Variants in LRMDA observed in about 807,000 individuals in gnomAD.
LRMDA encodes the protein leucine-rich melanocyte differentiation-associated protein.
LRMDA carries 18 observed loss-of-function variants against 29.8 expected under a neutral mutation model. That is an observed-to-expected ratio of 0.60 (90% CI 0.42 to 0.90). LRMDA has a LOEUF of 0.90. Among genes scored for constraint, LRMDA ranks in the 40% least tolerant of loss-of-function variants. The pLI, the probability that LRMDA is intolerant of heterozygous loss-of-function variation, is 0.00. For missense variants in LRMDA, 273 were observed against 273.9 expected (o/e 1.00, Z 0.02); for synonymous variants, 125 against 109.4 (o/e 1.14, Z -0.89).
chr10:76,112,739 T>G (rs1849602727), intron 5 of LRMDA, among the ~76,000 whole-genome samples: 2 of 152,230 alleles, frequency 1.3e-5, no homozygotes, highest in Admixed American at 6.5e-5. Flanking sequence ...AACGCTGCCT[T>G]TTGGAGATTA....
At chr10:76,067,186 T>C (rs906032191) in intron 5 of LRMDA, among the ~76,000 whole-genome samples, 5 of 152,330 alleles carry the variant, frequency 3.3e-5, no homozygotes, top group Non-Finnish European at 1.5e-5. Flanking sequence ...TTCTTTGACA[T>C]GTTCTTACCT....
At chr10:76,121,644 C>T (rs567075312) in intron 5 of LRMDA, among the ~76,000 whole-genome samples, 2 of 152,298 alleles carry the variant, frequency 1.3e-5, no homozygotes, top group South Asian at 2.1e-4. Context: ...GCTTCTTAGT[C>T]ACTGTTTCTG....
At chr10:75,933,505 G>A (rs1221463150) in intron 2 of LRMDA, among the ~76,000 whole-genome samples, 2 of 152,148 alleles carry the variant, frequency 1.3e-5, no homozygotes, top group Non-Finnish European at 2.9e-5. Context: ...GCCCAAGGTG[G>A]TTTCCTGATA....
At chr10:75,760,161 G>C (rs1372849221) in intron 2 of LRMDA, among the ~76,000 whole-genome samples, 1 of 152,216 alleles carries the variant, frequency 6.6e-6, no homozygotes, top group East Asian at 1.9e-4. Context: ...CCAATTCCCT[G>C]TTGTGGCTGT....
intron 2 of LRMDA, among the ~76,000 whole-genome samples, chr10:75,654,232 C>T (rs1368939802): frequency 6.6e-6 from 1 of 152,214 alleles, no homozygotes; most frequent in Admixed American, 6.5e-5. Flanking sequence ...CTATCACTTA[C>T]TGGCTGTATG....
In LRMDA at chr10:76,229,050, T is replaced by C. The variant is rs755276185; in HGVS notation, c.517-95351T>C. ...ACATGGTTTCTCTATGAAGGATAAA[T>C]GCAATCTGGATTATAGTAGAAGCAG... On this transcript the variant is annotated intron_variant, in intron 5 of 6. Coordinates refer to ENST00000611255, the MANE Select transcript of LRMDA (RefSeq NM_001305581.2). 7.2e-5 allele frequency among the ~76,000 whole-genome samples: 11 copies of C among 152,218 alleles called. No individual in the cohort carries two copies. In the South Asian group the frequency reaches 8.3e-4, roughly 11 times the overall value.
At position 76,005,350 on chromosome 10, in the gene LRMDA, T is replaced by C. The variant is rs187238928; in HGVS notation, c.132-30658T>C. On this transcript the variant is annotated intron_variant, in intron 2 of 6. Coordinates refer to ENST00000611255, the MANE Select transcript of LRMDA (RefSeq NM_001305581.2). ...GTTGAAATTCATTGATTTACTCAAG[T>C]GCTTCCCTCATAGAAAAATGTTGAT... is the stretch of plus-strand genomic sequence containing the variant. Among the ~76,000 whole-genome samples the C allele has an allele frequency of 1.9e-3, 283 of 152,360 alleles. 2 individuals carry two copies. Among genetic ancestry groups the C allele is most frequent in the African/African-American group, 6.4e-3 (266 of 41,584 alleles).
intron 6 of LRMDA, among the ~76,000 whole-genome samples, chr10:76,356,131 A>G (rs1841236594): frequency 6.6e-6 from 1 of 152,234 alleles, no homozygotes; most frequent in Admixed American, 6.6e-5. Flanking sequence ...TTCTTTGAGG[A>G]CAGGTATAAC....
At chr10:75,808,802 C>T (rs949412837) in intron 2 of LRMDA, among the ~76,000 whole-genome samples, 5 of 152,188 alleles carry the variant, frequency 3.3e-5, no homozygotes, top group Admixed American at 2.6e-4. Context: ...GCCACTATGC[C>T]TGGCCTGATG....
chr10:75,909,507 C>T (rs1043029387), intron 2 of LRMDA, among the ~76,000 whole-genome samples: 4 of 152,112 alleles, frequency 2.6e-5, no homozygotes, highest in East Asian at 1.9e-4. Context: ...TGTTCTTGCA[C>T]TGATGTATTT....
chr10:76,143,535 G>A (rs1243727057), intron 5 of LRMDA, among the ~76,000 whole-genome samples: 1 of 151,734 alleles, frequency 6.6e-6, no homozygotes, highest in Non-Finnish European at 1.5e-5. Flanking sequence ...TTTTTGATGG[G>A]GTTGTTTGTT....
At chr10:76,401,229 G>A (rs1297498081) in intron 6 of LRMDA, among the ~76,000 whole-genome samples, 1 of 152,172 alleles carries the variant, frequency 6.6e-6, no homozygotes, top group African/African-American at 2.4e-5. Context: ...TGACTCAATG[G>A]ATGGTATGTT....
chr10:75,599,962 T>C (rs576432066), intron 2 of LRMDA, among the ~76,000 whole-genome samples: 1 of 152,282 alleles, frequency 6.6e-6, no homozygotes, highest in South Asian at 2.1e-4. Context: ...TAGCTTTCTC[T>C]AGTTACTTCT....
intron 2 of LRMDA, among the ~76,000 whole-genome samples, chr10:75,970,270 C>A (rs76433781): frequency 0.027 from 4,088 of 152,310 alleles, 104 homozygotes; most frequent in South Asian, 0.068. Flanking sequence ...ATCTCTTCTC[C>A]TGTGTGGGCC....
chr10:75,786,206 C>G (rs1417742651), intron 2 of LRMDA, among the ~76,000 whole-genome samples: 1 of 152,194 alleles, frequency 6.6e-6, no homozygotes, highest in Non-Finnish European at 1.5e-5. Context: ...CTCATAACAA[C>G]TTCCCATTTG....
intron 2 of LRMDA, among the ~76,000 whole-genome samples, chr10:75,764,928 C>CGTGTGTGTGTGTGTGTGT (rs57422251): frequency 2.1e-5 from 3 of 142,772 alleles, no homozygotes; most frequent in Non-Finnish European, 3.1e-5. Context: ...GCAAGAGACA[C>CGTGTGTGTGTGTGTGTGT]GTGTGTGTGT....
At chr10:76,442,954 G>T (rs934986930) in intron 6 of LRMDA, among the ~76,000 whole-genome samples, 17 of 151,966 alleles carry the variant, frequency 1.1e-4, no homozygotes, top group African/African-American at 3.6e-4. Context: ...CTCCACCTAG[G>T]TCTCAAAAAA....
chr10:76,361,474 C>T (rs1212072825), intron 6 of LRMDA, among the ~76,000 whole-genome samples: 1 of 152,088 alleles, frequency 6.6e-6, no homozygotes, highest in Non-Finnish European at 1.5e-5. Flanking sequence ...ATATTTCAGA[C>T]TTGGTTGGCT....
intron 2 of LRMDA, among the ~76,000 whole-genome samples, chr10:75,914,415 T>A (rs974832281): frequency 1.3e-5 from 2 of 152,266 alleles, no homozygotes; most frequent in African/African-American, 4.8e-5. Flanking sequence ...CTATATGATT[T>A]GCATTGTAAG....
Sources: allele counts gnomAD v4.1 joint callset (sites outside exome capture counted in the v4.1 genomes callset), GRCh38; gene constraint gnomAD v4.1.1; transcripts MANE v1.5; gene names NCBI Gene and HGNC (gene_info 2026-07-23, HGNC 2026-07-21).